FBXO42: variants seen among roughly 807,000 people sequenced by gnomAD.
FBXO42 encodes F-box protein 42.
A neutral mutation model predicts 71.7 loss-of-function variants in FBXO42; 12 were observed. That is an observed-to-expected ratio of 0.17 (90% confidence interval 0.11 to 0.27). The LOEUF (loss-of-function observed/expected upper bound fraction) is 0.27. Among genes scored for constraint, FBXO42 ranks in the 10% least tolerant of loss-of-function variants. The pLI, the probability that FBXO42 is intolerant of heterozygous loss-of-function variation, is 1.00. For synonymous variants in FBXO42, 325 were observed against 327.5 expected (o/e 0.99, Z 0.08); for missense variants, 707 against 911.9 (o/e 0.78, Z 2.89).
intron 4 of FBXO42, among the ~76,000 whole-genome samples, chr1:16,280,572 G>A (rs989988504): frequency 3.9e-5 from 6 of 152,148 alleles, no homozygotes; most frequent in Non-Finnish European, 8.8e-5. Context: ...AATACAAGAT[G>A]CTAACATTAG....
At chr1:16,306,086 G>A (rs1336180959) in intron 2 of FBXO42, among the ~76,000 whole-genome samples, 167 bp from the exon 3 acceptor site, 1 of 151,544 alleles carries the variant, frequency 6.6e-6, no homozygotes, top group Non-Finnish European at 1.5e-5. Context: ...GCAGTGGCAC[G>A]ATCTCGGCCA....
rs1278727170 is a variant in FBXO42 at position 16,311,501 on chromosome 1, A to ATATATAT, written c.250+3667_250+3668insATATATA. ...AGATCTTGTCTCAAAAAAAAAAAAA[A>ATATATAT]AAATATATATATATATATATATATA... On this transcript the variant is annotated intron_variant, in intron 2 of 9. Transcript: ENST00000375592. Among the ~76,000 whole-genome samples the ATATATAT allele has an allele frequency of 1.3e-4, 8 of 62,358 alleles. No homozygotes were observed. In the South Asian group the frequency reaches 1.8e-3, roughly 14 times the overall value. 40.9% of individuals were successfully genotyped at this position (62,358 alleles called of 152,430 possible).
chr1:16,324,713 G>A (rs956290303), intron 1 of FBXO42, among the ~76,000 whole-genome samples: 1 of 152,212 alleles, frequency 6.6e-6, no homozygotes, highest in Non-Finnish European at 1.5e-5. Flanking sequence ...GCTACAGGGG[G>A]TCTGAGGTGC....
chr1:16,260,814 C>A (rs1264725310), intron 4 of FBXO42, among the ~76,000 whole-genome samples: 1 of 152,110 alleles, frequency 6.6e-6, no homozygotes, highest in African/African-American at 2.4e-5. Context: ...ATCTTTCTAC[C>A]TCAGCCTCCT....
chr1:16,257,852 T>G (rs1051203953), intron 4 of FBXO42, among the ~76,000 whole-genome samples: 4 of 152,172 alleles, frequency 2.6e-5, no homozygotes, highest in African/African-American at 9.7e-5. Flanking sequence ...AGCTAATTGT[T>G]GCATTTTTAG....
At chr1:16,272,506 G>A (rs978447788) in intron 4 of FBXO42, among the ~76,000 whole-genome samples, 8 of 152,022 alleles carry the variant, frequency 5.3e-5, no homozygotes, top group African/African-American at 1.4e-4. Context: ...TGATCCACCC[G>A]CCTTGGCCTC....
In FBXO42 at chr1:16,283,494, G is replaced by GTTTTTTTTTTTTTTT. The variant is rs386366300; in HGVS notation, c.502+11274_502+11288dup. 9.6e-4 allele frequency among the ~76,000 whole-genome samples: 78 copies of GTTTTTTTTTTTTTTT among 80,982 alleles called. 7 individuals carry two copies. The highest frequency in any genetic ancestry group is 3.0e-3 in the African/African-American group (68 of 22,480). 53.1% of individuals were successfully genotyped at this position (80,982 alleles called of 152,430 possible). The stretch of plus-strand genomic sequence containing the variant: ...TTATAGACTCTTCTAACTGTGGCAA[G>GTTTTTTTTTTTTTTT]TTTTTTTTTTTTTTTTTTTTTTTGA... On this transcript the variant is annotated intron_variant, in intron 4 of 9. Transcript: ENST00000375592.
intron 1 of FBXO42, among the ~76,000 whole-genome samples, chr1:16,346,692 A>T (rs548728695): frequency 1.5e-5 from 2 of 134,356 alleles, no homozygotes; most frequent in African/African-American, 5.8e-5. Context: ...CGTCTCGGGG[A>T]AAAAAAAAAA....
chr1:16,309,744 TA>T (rs2082292297), intron 2 of FBXO42, among the ~76,000 whole-genome samples: 1 of 151,716 alleles, frequency 6.6e-6, no homozygotes, highest in Non-Finnish European at 1.5e-5. Flanking sequence ...AAGTATTTTT[TA>T]AAACATTAGC....
intron 1 of FBXO42, among the ~76,000 whole-genome samples, chr1:16,341,927 C>T (rs2082608695): frequency 7.0e-6 from 1 of 143,838 alleles, no homozygotes; most frequent in East Asian, 2.1e-4. Context: ...GCCAAGATCG[C>T]GTCATTGTAC....
chr1:16,271,538 C>T (rs1178561930), intron 4 of FBXO42, among the ~76,000 whole-genome samples: 1 of 151,932 alleles, frequency 6.6e-6, no homozygotes, highest in Non-Finnish European at 1.5e-5. Flanking sequence ...ACCTCAGCTT[C>T]CCAAAGTGCT....
Position 16,337,883 on chromosome 1 carries a change from CAAAAAAAAAAAAA to C in FBXO42, c.-18+14359_-18+14371del, listed in dbSNP as rs60328879. Among the ~76,000 whole-genome samples the C allele has an allele frequency of 6.9e-4, 27 of 38,852 alleles. 1 individual carries two copies. In the East Asian group the frequency reaches 8.0e-3, roughly 12 times the overall value. The allele number at this position is 38,852 out of a possible 152,430, so 25.5% of individuals were successfully genotyped here. Reference sequence around the variant, plus strand: ...TGGGAGAAAGAGCGAGACTCCGTCTCAAAAAAAAAAAAAAAAAAAAAAAAAAAAAAAAAGAATA... The same window carrying C: ...TGGGAGAAAGAGCGAGACTCCGTCTCAAAAAAAAAAAAAAAAAAAAGAATA... On this transcript the variant is annotated intron_variant, in intron 1 of 9. Coordinates refer to ENST00000375592, the MANE Select transcript of FBXO42 (RefSeq NM_018994.3).
intron 1 of FBXO42, among the ~76,000 whole-genome samples, chr1:16,325,915 C>T (rs561263281): frequency 1.3e-5 from 2 of 151,840 alleles, no homozygotes; most frequent in Non-Finnish European, 2.9e-5. Context: ...CGTGAGCCAC[C>T]ACACCTGGCC....
rs772495405 is a variant in FBXO42 at position 16,315,287 on chromosome 1, A to G, written c.132T>C (p.Asn44=). The change falls in exon 2 of 10, where the codon AAT becomes AAC. Residue 44 remains asparagine (N), a synonymous_variant. Coordinates refer to ENST00000375592, the MANE Select transcript of FBXO42 (RefSeq NM_018994.3). ...PVLEAEETRH[N]RSMSELPEEV... Reference sequence around the variant, plus strand: ...CTTCTGGCAGCTCCGACATGGACCTATTATGTCTAGTCTCCTCAGCCTCCA... The same window carrying G: ...CTTCTGGCAGCTCCGACATGGACCTGTTATGTCTAGTCTCCTCAGCCTCCA... The G allele has an allele frequency of 6.2e-7, 1 of 1,614,086 alleles. No individual in the cohort carries two copies. Among genetic ancestry groups the G allele is most frequent in the Non-Finnish European group, 8.5e-7 (1 of 1,180,018 alleles).
At chr1:16,326,036 G>GTGTGTGTGTGTGTGTGTGTGTC (rs2100597949) in intron 1 of FBXO42, among the ~76,000 whole-genome samples, 1 of 150,824 alleles carries the variant, frequency 6.6e-6, no homozygotes, top group Non-Finnish European at 1.5e-5. Context: ...GTGTGTGTGT[G>GTGTGTGTGTGTGTGTGTGTGTC]TGTGTGTGTG....
chr1:16,316,730 C>CAAAAAAAAAA (rs71003274), intron 1 of FBXO42, among the ~76,000 whole-genome samples: 21 of 51,544 alleles, frequency 4.1e-4, no homozygotes, highest in East Asian at 7.7e-4. Flanking sequence ...GAAAGACTCT[C>CAAAAAAAAAA]AAAAAAAAAA....
At chr1:16,307,201 T>A (rs2082260411) in intron 2 of FBXO42, among the ~76,000 whole-genome samples, 1 of 152,128 alleles carries the variant, frequency 6.6e-6, no homozygotes, top group Non-Finnish European at 1.5e-5. Flanking sequence ...CAGGAAAAGT[T>A]TTCTAAAAGA....
In FBXO42 at chr1:16,256,648, C is replaced by A; in HGVS notation, c.614G>T (p.Arg205Ile). ...PSPYPLHQPE[R>I]FFDEIHTYSP... is the part of the protein sequence containing the mutation. ...GTAAGTGTGTATTTCATCAAAGAAT[C>A]TCTCTGGCTGGTGTAGGGGATAAGG... Residue 205 changes from arginine (R) to isoleucine (I), a missense_variant, in exon 5 of 10, where the codon AGA becomes ATA. By Grantham distance (97) the Arg-to-Ile change is moderately conservative. Coordinates refer to ENST00000375592, the MANE Select transcript of FBXO42 (RefSeq NM_018994.3). 6.2e-7 allele frequency: 1 copy of A among 1,614,202 alleles called. No homozygotes were observed. Among genetic ancestry groups the A allele is most frequent in the Non-Finnish European group, 8.5e-7 (1 of 1,180,026 alleles).
chr1:16,282,530 T>C (rs544113605), intron 4 of FBXO42, among the ~76,000 whole-genome samples: 1 of 94,328 alleles, frequency 1.1e-5, no homozygotes, highest in Admixed American at 9.8e-5. Context: ...CCGGCCATTT[T>C]CTCTTTTAAA....
Sources: allele counts gnomAD v4.1 joint callset (sites outside exome capture counted in the v4.1 genomes callset), GRCh38; gene constraint gnomAD v4.1.1; transcripts MANE v1.5; gene names NCBI Gene and HGNC (gene_info 2026-07-23, HGNC 2026-07-21).